The following CSMD1 variants were observed in gnomAD, a reference collection of about 807,000 sequenced individuals.
The protein encoded by CSMD1 is CUB and sushi domain-containing protein 1.
A neutral mutation model predicts 417.5 loss-of-function variants in CSMD1; 213 were observed. That is an observed-to-expected ratio of 0.51 (90% CI 0.46 to 0.57). The LOEUF (loss-of-function observed/expected upper bound fraction) is 0.57. Among genes scored for constraint, CSMD1 ranks in the 20% least tolerant of loss-of-function variants. The pLI, the probability that CSMD1 is intolerant of heterozygous loss-of-function variation, is 0.00. For synonymous variants in CSMD1, 2,862 were observed against 1,736.8 expected, an observed-to-expected ratio of 1.65 and a Z score of -16.11; for missense variants, 6,923 against 4,529.7, an observed-to-expected ratio of 1.53 and a Z score of -15.17.
chr8:3,788,754 T>C (rs1162833037), intron 5 of CSMD1, among the ~76,000 whole-genome samples: 1 of 152,182 alleles, frequency 6.6e-6, no homozygotes, highest in African/African-American at 2.4e-5. Flanking sequence ...CATGCAGTTG[T>C]TCCATTTCTG....
intron 3 of CSMD1, among the ~76,000 whole-genome samples, chr8:4,259,612 T>C (rs1384970683): frequency 6.6e-6 from 1 of 152,134 alleles, no homozygotes; most frequent in East Asian, 1.9e-4. Flanking sequence ...CTTCAAAACT[T>C]TACAAATATA....
At chr8:4,167,526 C>A (rs1337008010) in intron 3 of CSMD1, among the ~76,000 whole-genome samples, 2 of 152,114 alleles carry the variant, frequency 1.3e-5, no homozygotes, top group East Asian at 3.9e-4. Context: ...GTAGCTACCT[C>A]TGATTTATAT....
At chr8:3,139,760 T>C (rs1457944899) in intron 41 of CSMD1, among the ~76,000 whole-genome samples, 4 of 152,102 alleles carry the variant, frequency 2.6e-5, no homozygotes, top group Admixed American at 6.6e-5. Flanking sequence ...CAAGATGCTA[T>C]TGGGGAAAAT....
intron 1 of CSMD1, among the ~76,000 whole-genome samples, chr8:4,753,243 G>C (rs1433474493): frequency 1.3e-5 from 2 of 151,728 alleles, no homozygotes; most frequent in East Asian, 3.9e-4. Flanking sequence ...TGCTGTTCTG[G>C]GCTGAGTCAC....
chr8:4,172,065 CTCTT>C (rs1797793727), intron 3 of CSMD1, among the ~76,000 whole-genome samples: 1 of 152,082 alleles, frequency 6.6e-6, no homozygotes, highest in African/African-American at 2.4e-5. Context: ...CTTAAAGTAT[CTCTT>C]TCTCAGGGGA....
chr8:4,884,072 C>T lies in CSMD1; in HGVS notation c.85+110260G>A, dbSNP rs138099106. Among the ~76,000 whole-genome samples, 7 of 151,982 alleles carry T rather than the reference C, an allele frequency of 4.6e-5. No individual in the cohort carries two copies. The East Asian group carries it at 1.4e-3, about 29-fold the overall frequency. On this transcript the variant is annotated intron_variant, in intron 1 of 69. Transcript: ENST00000635120. The stretch of plus-strand genomic sequence containing the variant: ...CTCACTATGGTTGGATTTGCATTTC[C>T]CTGATGGCAAATGATATTGAACAAA...
chr8:3,851,689 G>T (rs1803917781), intron 5 of CSMD1, among the ~76,000 whole-genome samples: 1 of 152,066 alleles, frequency 6.6e-6, no homozygotes, highest in African/African-American at 2.4e-5. Context: ...AATAGCAGAA[G>T]AAAAGAGAAA....
chr8:3,392,462 C>T (rs182016924), intron 17 of CSMD1, among the ~76,000 whole-genome samples: 1 of 152,170 alleles, frequency 6.6e-6, no homozygotes, highest in African/African-American at 2.4e-5. Context: ...GCATTTTTCT[C>T]TTCCACGCTT....
chr8:4,587,462 T>C (rs1270842304), intron 2 of CSMD1, among the ~76,000 whole-genome samples: 1 of 151,918 alleles, frequency 6.6e-6, no homozygotes, highest in Non-Finnish European at 1.5e-5. Context: ...TATATATGTA[T>C]ATGTAGATAC....
At chr8:4,310,500 CTTCTT>C (rs1395290107) in intron 3 of CSMD1, among the ~76,000 whole-genome samples, 3 of 142,290 alleles carry the variant, frequency 2.1e-5, no homozygotes, top group Non-Finnish European at 4.6e-5. Context: ...TAATTTGAAA[CTTCTT>C]TTCTTCCACA....
At chr8:4,471,908 C>T (rs925560493) in intron 2 of CSMD1, among the ~76,000 whole-genome samples, 6 of 152,020 alleles carry the variant, frequency 3.9e-5, no homozygotes, top group African/African-American at 1.4e-4. Flanking sequence ...AAGGTGTTTC[C>T]AATGATTAGG....
At chr8:3,075,870 T>C (rs1813629644) in intron 49 of CSMD1, among the ~76,000 whole-genome samples, 1 of 146,782 alleles carries the variant, frequency 6.8e-6, no homozygotes, top group African/African-American at 2.5e-5. Flanking sequence ...GGAAACACTG[T>C]CTCTACTAAA....
Position 4,826,876 on chromosome 8 carries a change from TTA to T in CSMD1, c.85+167454_85+167455del, listed in dbSNP as rs151168082. ...AGCTGACGGATAAGAAAAACTAGAT[TTA>T]GAGTGATTATTTAACTTGCCTCAAA... On this transcript the variant is annotated intron_variant, in intron 1 of 69. Transcript: ENST00000635120. 9.4e-3 allele frequency among the ~76,000 whole-genome samples: 1,424 copies of T among 152,242 alleles called. 16 individuals are homozygous for T. Among genetic ancestry groups the T allele is most frequent in the South Asian group, 0.011 (55 of 4,820 alleles).
chr8:3,920,690 G>C (rs2912263), intron 5 of CSMD1, among the ~76,000 whole-genome samples: 2 of 151,812 alleles, frequency 1.3e-5, no homozygotes, highest in Non-Finnish European at 2.9e-5. Context: ...CAGGAAAATA[G>C]GTTAAATTTT....
At position 4,143,423 on chromosome 8, in the gene CSMD1, G is replaced by A. The variant is rs1382524602; in HGVS notation, c.416-111324C>T. Reference sequence around the variant, plus strand: ...AAGTTAATTAGGTGGAACCCAGGCTGAAAGTTCGGATACCTTTGGTAAATT... The same window carrying A: ...AAGTTAATTAGGTGGAACCCAGGCTAAAAGTTCGGATACCTTTGGTAAATT... On this transcript the variant is annotated intron_variant, in intron 3 of 69. Coordinates refer to ENST00000635120, the MANE Select transcript of CSMD1 (RefSeq NM_033225.6). Among the ~76,000 whole-genome samples the A allele has an allele frequency of 2.0e-5, 3 of 148,434 alleles. 1 individual carries two copies. The highest frequency in any genetic ancestry group is 5.1e-5 in the African/African-American group (2 of 39,086).
At chr8:3,133,459 CAG>C (rs1817904373) in intron 41 of CSMD1, among the ~76,000 whole-genome samples, 1 of 152,266 alleles carries the variant, frequency 6.6e-6, no homozygotes, top group South Asian at 2.1e-4. Context: ...GCCTTGGCCT[CAG>C]GGGAAGAGAG....
At chr8:3,697,211 T>C (rs577628942) in intron 7 of CSMD1, among the ~76,000 whole-genome samples, 2 of 152,206 alleles carry the variant, frequency 1.3e-5, no homozygotes, top group Non-Finnish European at 2.9e-5. Flanking sequence ...CAAAACTTAT[T>C]TCTCTCCAGA....
intron 23 of CSMD1, among the ~76,000 whole-genome samples, chr8:3,323,075 G>C (rs1049956767): frequency 1.3e-5 from 2 of 152,070 alleles, no homozygotes; most frequent in Non-Finnish European, 2.9e-5. Flanking sequence ...AAATTATGCA[G>C]TTTTAAAAAC....
intron 7 of CSMD1, among the ~76,000 whole-genome samples, chr8:3,679,131 G>C (rs920914638): frequency 2.6e-5 from 4 of 152,032 alleles, no homozygotes; most frequent in Admixed American, 6.6e-5. Context: ...ATCAACTAAT[G>C]AGCACAATAA....
Sources: gnomAD v4.1 joint callset for allele counts (sites outside exome capture counted in the v4.1 genomes callset) on GRCh38, gnomAD v4.1.1 for gene constraint, MANE v1.5 for transcripts, NCBI Gene and HGNC (gene_info 2026-07-23, HGNC 2026-07-21) for gene names.